IL15: variants seen among roughly 807,000 people sequenced by gnomAD.
IL15 encodes the protein interleukin-15.
A neutral mutation model predicts 19.6 loss-of-function variants in IL15; 11 were observed. That is an observed-to-expected ratio of 0.56 (90% CI 0.35 to 0.93). The LOEUF is 0.93. Ranked by LOEUF, IL15 falls within the 40% of genes least tolerant of loss-of-function variation. The probability of loss-of-function intolerance (pLI) is 0.01; values close to 1 mark genes in which losing one functional copy is unlikely to be tolerated. For synonymous variants in IL15, 58 were observed against 59.6 expected, an observed-to-expected ratio of 0.97 and a Z score of 0.12; for missense variants, 197 against 186.5, an observed-to-expected ratio of 1.06 and a Z score of -0.33.
At chr4:141,637,682 A>T (rs1029621203) in intron 1 of IL15, among the ~76,000 whole-genome samples, 2 of 152,152 alleles carry the variant, frequency 1.3e-5, no homozygotes, top group African/African-American at 2.4e-5. Context: ...CTAATTCTTA[A>T]ATGATGCTTA....
Position 141,702,650 on chromosome 4 carries a change from T to C in IL15, c.-99-16716T>C, listed in dbSNP as rs530342547. Among the ~76,000 whole-genome samples, 6 of 152,354 alleles carry C rather than the reference T, an allele frequency of 3.9e-5. No homozygotes were observed. The East Asian group carries it at 1.2e-3, about 29-fold the overall frequency. On this transcript the variant is annotated intron_variant, in intron 2 of 7. Coordinates refer to ENST00000320650, the MANE Select transcript of IL15 (RefSeq NM_000585.5). The stretch of plus-strand genomic sequence containing the variant: ...TTTCTCCTTCCTGAGAGCAGTGATA[T>C]TCTGCTGAGAGGTATTGTGATGGCC...
intron 2 of IL15, chr4:141,715,137 G>C (rs1579045950): frequency 6.6e-6 from 1 of 152,040 alleles, no homozygotes; most frequent in South Asian, 2.1e-4. Context: ...TTTTCCTCCT[G>C]TACCCTGCAA....
At chr4:141,683,381 C>T (rs927218409) in intron 2 of IL15, among the ~76,000 whole-genome samples, 3 of 151,676 alleles carry the variant, frequency 2.0e-5, no homozygotes, top group East Asian at 1.9e-4. Context: ...GACCCGCCTG[C>T]GCAACACGGT....
Position 141,694,965 on chromosome 4 carries a change from C to A in IL15, c.-99-24401C>A, listed in dbSNP as rs1333770279. On this transcript the variant is annotated intron_variant, in intron 2 of 7. Coordinates refer to ENST00000320650, the MANE Select transcript of IL15 (RefSeq NM_000585.5). ...TCCTACACCATCAGAATATACCCCT[C>A]TCTCCATGTCCATTACTATTTACTT... Among the ~76,000 whole-genome samples, 4 of 152,308 alleles carry A rather than the reference C, an allele frequency of 2.6e-5. No individual in the cohort carries two copies. The East Asian group carries it at 7.7e-4, about 29-fold the overall frequency.
intron 1 of IL15, among the ~76,000 whole-genome samples, chr4:141,649,407 CTGG>C (rs1312476791): frequency 7.9e-5 from 12 of 152,078 alleles, no homozygotes; most frequent in Non-Finnish European, 1.0e-4. Flanking sequence ...AGTGTGGTGA[CTGG>C]TGCAGGGACT....
chr4:141,710,430 CT>C (rs898908360), intron 2 of IL15, among the ~76,000 whole-genome samples: 6 of 151,786 alleles, frequency 4.0e-5, no homozygotes, highest in Admixed American at 6.6e-5. Flanking sequence ...CTTGGCATAT[CT>C]TTTTTTTGTA....
rs561783942 is a variant in IL15 at position 141,722,195 on chromosome 4, C to A, written c.195+187C>A. ...TTTTAGAATCTAATTATCTTTAAAACGTAATTTATAAGCGGCCCAGACGGA... is the reference window on the plus strand; with the variant it reads ...TTTTAGAATCTAATTATCTTTAAAAAGTAATTTATAAGCGGCCCAGACGGA... On this transcript the variant is annotated intron_variant, in intron 5 of 7. Coordinates refer to ENST00000320650, the MANE Select transcript of IL15 (RefSeq NM_000585.5). 3.3e-5 allele frequency among the ~76,000 whole-genome samples: 5 copies of A among 152,140 alleles called. No homozygotes were observed. In the South Asian group the frequency reaches 1.0e-3, roughly 32 times the overall value.
chr4:141,713,928 C>T (rs1298055534), intron 2 of IL15, among the ~76,000 whole-genome samples: 1 of 152,132 alleles, frequency 6.6e-6, no homozygotes, highest in Non-Finnish European at 1.5e-5. Context: ...GGCTTTCTTT[C>T]CCTTTCAGCT....
intron 5 of IL15, 136 bp from the exon 6 acceptor site, chr4:141,727,804 A>C: frequency 1.6e-6 from 1 of 607,552 alleles, no homozygotes; most frequent in Non-Finnish European, 2.9e-6. Flanking sequence ...ATTTACTCTT[A>C]CAGTTTCATA....
At chr4:141,639,304 G>A (rs986254082) in intron 1 of IL15, among the ~76,000 whole-genome samples, 2 of 152,110 alleles carry the variant, frequency 1.3e-5, no homozygotes, top group East Asian at 1.9e-4. Context: ...TTCAGGCAGC[G>A]TTGTAATGGT....
intron 2 of IL15, among the ~76,000 whole-genome samples, chr4:141,678,382 A>G (rs1296341933): frequency 1.3e-5 from 2 of 151,056 alleles, no homozygotes; most frequent in African/African-American, 2.4e-5. Flanking sequence ...TCGTAGTCAT[A>G]TTTTTTTTTC....
chr4:141,725,459 C>G lies in IL15; in HGVS notation c.196-2481C>G, dbSNP rs370820794. On this transcript the variant is annotated intron_variant, in intron 5 of 7. Coordinates refer to ENST00000320650, the MANE Select transcript of IL15 (RefSeq NM_000585.5). ...TGGGAGAAAATGGCCACCTATAAGC[C>G]AAGGAGGGAGGACTCCAAAGAAACC... Among the ~76,000 whole-genome samples the G allele has an allele frequency of 1.4e-4, 22 of 152,192 alleles. 1 individual carries two copies. The East Asian group carries it at 1.9e-3, about 13-fold the overall frequency.
intron 2 of IL15, among the ~76,000 whole-genome samples, chr4:141,684,825 G>T (rs1256266522): frequency 6.6e-6 from 1 of 152,060 alleles, no homozygotes; most frequent in Non-Finnish European, 1.5e-5. Context: ...CTATGTTACA[G>T]ATGCTGTCCT....
At position 141,653,343 on chromosome 4, in the gene IL15, T is replaced by C. The variant is rs149320540; in HGVS notation, c.-221-2843T>C. Among the ~76,000 whole-genome samples, 363 of 152,312 alleles carry C rather than the reference T, an allele frequency of 2.4e-3. 3 individuals carry two copies. The East Asian group carries it at 0.033, about 14-fold the overall frequency. ...TCTTCATATATGATTAGACAAAATA[T>C]TTAAATCTGTGCTACATAATATTTT... On this transcript the variant is annotated intron_variant, in intron 1 of 7. Coordinates refer to ENST00000320650, the MANE Select transcript of IL15 (RefSeq NM_000585.5).
At chr4:141,681,312 G>T (rs1028977295) in intron 2 of IL15, among the ~76,000 whole-genome samples, 15 of 150,614 alleles carry the variant, frequency 1.0e-4, no homozygotes, top group African/African-American at 3.4e-4. Flanking sequence ...AAAGAGAGAA[G>T]ACTTTTTTAA....
chr4:141,714,683 T>C (rs1383486784), intron 2 of IL15: 1 of 152,252 alleles, frequency 6.6e-6, no homozygotes, highest in Admixed American at 6.5e-5. Flanking sequence ...CATTCCCTTT[T>C]GCTGGATATA....
chr4:141,710,409 A>G (rs1355212326), intron 2 of IL15, among the ~76,000 whole-genome samples: 2 of 152,192 alleles, frequency 1.3e-5, no homozygotes, highest in East Asian at 1.9e-4. Flanking sequence ...TTGTTACTAC[A>G]GTCATATTTA....
intron 2 of IL15, among the ~76,000 whole-genome samples, chr4:141,662,187 A>G (rs1560906696): frequency 6.6e-6 from 1 of 152,232 alleles, no homozygotes; most frequent in African/African-American, 2.4e-5. Flanking sequence ...CATTGAGTAC[A>G]ATGCACCTTA....
chr4:141,732,767 T>C lies in IL15; in HGVS notation c.408T>C (p.Cys136=), dbSNP rs145684493. Residue 136 remains cysteine, a synonymous_variant, in exon 8 of 8, where the codon TGT becomes TGC. Transcript: ENST00000320650. ...GNVTESGCKE[C]EELEEKNIKE... ...TAACAGAATCTGGATGCAAAGAATG[T>C]GAGGAACTGGAGGAAAAAAATATTA... 9.2e-5 allele frequency: 148 copies of C among 1,612,676 alleles called. No individual in the cohort carries two copies. The African/African-American group carries it at 1.4e-3, about 15-fold the overall frequency.
Sources: gnomAD v4.1 joint callset for allele counts (sites outside exome capture counted in the v4.1 genomes callset) on GRCh38, gnomAD v4.1.1 for gene constraint, MANE v1.5 for transcripts, NCBI Gene and HGNC (gene_info 2026-07-23, HGNC 2026-07-21) for gene names.